Variants in CNTNAP2 observed in about 807,000 individuals in gnomAD.
CNTNAP2 encodes contactin-associated protein-like 2.
Under a neutral mutation model 155.2 loss-of-function variants are expected in CNTNAP2, and 98 were observed. That is an observed-to-expected ratio of 0.63 (90% CI 0.54 to 0.75). The LOEUF (loss-of-function observed/expected upper bound fraction) is 0.75, where lower values mean the gene tolerates loss of function less well. Among genes scored for constraint, CNTNAP2 ranks in the 30% least tolerant of loss-of-function variants. The pLI, the probability that CNTNAP2 is intolerant of heterozygous loss-of-function variation, is 0.00. For synonymous variants in CNTNAP2, 651 were observed against 631.2 expected (o/e 1.03, Z -0.47); for missense variants, 1,727 against 1,688.1 (o/e 1.02, Z -0.40).
intron 17 of CNTNAP2, among the ~76,000 whole-genome samples, chr7:148,161,206 TCGG>T (rs1262106938): frequency 6.6e-6 from 1 of 152,232 alleles, no homozygotes; most frequent in African/African-American, 2.4e-5. Context: ...CCGCTTCATG[TCGG>T]CACCATAACG....
intron 1 of CNTNAP2, among the ~76,000 whole-genome samples, chr7:146,633,190 A>G (rs759563581): frequency 3.0e-4 from 46 of 152,190 alleles, no homozygotes; most frequent in Non-Finnish European, 6.5e-4. Context: ...TTTTCAGACT[A>G]GATGGATTTC....
intron 10 of CNTNAP2, among the ~76,000 whole-genome samples, chr7:147,458,142 AT>A (rs1180977598): frequency 6.3e-5 from 2 of 31,718 alleles, no homozygotes; most frequent in Admixed American, 4.0e-4. Context: ...AAAAACAAAC[AT>A]AAGCATTTCA....
intron 1 of CNTNAP2, among the ~76,000 whole-genome samples, chr7:146,216,637 T>G (rs531388895): frequency 1.3e-5 from 2 of 152,330 alleles, no homozygotes; most frequent in South Asian, 4.1e-4. Context: ...GCTCCTCTTT[T>G]ACGTAATCCC....
intron 1 of CNTNAP2, among the ~76,000 whole-genome samples, chr7:146,586,939 C>A (rs1030263328): frequency 4.6e-5 from 7 of 151,954 alleles, no homozygotes; most frequent in African/African-American, 1.7e-4. Context: ...TTGAAATGTG[C>A]TAGACTTTTT....
At chr7:148,254,418 A>G (rs1585219577) in intron 20 of CNTNAP2, among the ~76,000 whole-genome samples, 1 of 152,188 alleles carries the variant, frequency 6.6e-6, no homozygotes, top group Non-Finnish European at 1.5e-5. Flanking sequence ...CCTCAATCAT[A>G]TTTGTCATAT....
At chr7:148,102,586 A>T (rs1435532129) in intron 15 of CNTNAP2, among the ~76,000 whole-genome samples, 1 of 152,246 alleles carries the variant, frequency 6.6e-6, no homozygotes, top group African/African-American at 2.4e-5. Flanking sequence ...GGCATGCCAT[A>T]CTAAATGTTA....
intron 3 of CNTNAP2, among the ~76,000 whole-genome samples, chr7:146,874,059 G>T (rs902826597): frequency 1.3e-5 from 2 of 151,932 alleles, no homozygotes; most frequent in Non-Finnish European, 2.9e-5. Context: ...ATTGGTGAAG[G>T]ATCAATTTGA....
chr7:147,196,581 G>A (rs898245456), intron 8 of CNTNAP2, among the ~76,000 whole-genome samples: 2 of 152,138 alleles, frequency 1.3e-5, no homozygotes, highest in African/African-American at 4.8e-5. Flanking sequence ...CTTCTTGAGT[G>A]AAGAGTGCAA....
intron 17 of CNTNAP2, among the ~76,000 whole-genome samples, chr7:148,168,756 CAG>C (rs1297433621): frequency 5.9e-5 from 9 of 152,318 alleles, no homozygotes; most frequent in Middle Eastern, 6.8e-3. Context: ...TGTTAACATT[CAG>C]AGTCTTTTCA....
rs1802772476 is a variant in CNTNAP2, at chr7:146,796,566, CT to C, written c.208+22186del. ...ATCAAGATATGAAGATAAAGAAGAT[CT>C]AGCTTCTGAAACGCAGTTCTATAAT... is the stretch of plus-strand genomic sequence containing the variant. On this transcript the variant is annotated intron_variant, in intron 2 of 23. Transcript: ENST00000361727. 3.9e-5 allele frequency among the ~76,000 whole-genome samples: 6 copies of C among 152,112 alleles called. No homozygotes were observed. In the South Asian group the frequency reaches 1.2e-3, roughly 32 times the overall value.
intron 1 of CNTNAP2, among the ~76,000 whole-genome samples, chr7:146,642,161 T>A (rs1258950406): frequency 6.6e-6 from 1 of 151,966 alleles, no homozygotes; most frequent in Non-Finnish European, 1.5e-5. Flanking sequence ...TTTTATTTTT[T>A]AATTTTATTA....
intron 1 of CNTNAP2, among the ~76,000 whole-genome samples, chr7:146,212,868 T>A (rs370851061): frequency 2.6e-5 from 4 of 152,176 alleles, no homozygotes; most frequent in Admixed American, 6.5e-5. Context: ...CTAAAATTGA[T>A]TATTTGATGA....
chr7:147,626,711 A>G (rs1221224180), intron 12 of CNTNAP2, among the ~76,000 whole-genome samples: 1 of 152,202 alleles, frequency 6.6e-6, no homozygotes, highest in African/African-American at 2.4e-5. Context: ...GAGGCCAACC[A>G]ACTCAGGCCA....
At chr7:146,905,510 C>T (rs1796102021) in intron 3 of CNTNAP2, among the ~76,000 whole-genome samples, 1 of 152,074 alleles carries the variant, frequency 6.6e-6, no homozygotes, top group African/African-American at 2.4e-5. Flanking sequence ...ATCAGAGTTG[C>T]CTGAGTCTGG....
chr7:148,414,062 A>AT (rs1475471723), intron 23 of CNTNAP2, among the ~76,000 whole-genome samples: 1 of 141,226 alleles, frequency 7.1e-6, no homozygotes, highest in Non-Finnish European at 1.5e-5. Context: ...TTCATCCAGT[A>AT]TTTTTTTCTT....
chr7:147,288,253 G>C (rs1305534714), intron 8 of CNTNAP2, among the ~76,000 whole-genome samples: 1 of 152,116 alleles, frequency 6.6e-6, no homozygotes, highest in East Asian at 1.9e-4. Flanking sequence ...GTCTGAAATT[G>C]TACCTGTAAA....
intron 13 of CNTNAP2, among the ~76,000 whole-genome samples, chr7:147,761,102 A>AG (rs1284947184): frequency 6.6e-6 from 1 of 152,172 alleles, no homozygotes; most frequent in Non-Finnish European, 1.5e-5. Flanking sequence ...GTACCAGAGA[A>AG]AATCAATAAA....
At chr7:147,000,582 C>T (rs1798402696) in intron 3 of CNTNAP2, among the ~76,000 whole-genome samples, 1 of 152,092 alleles carries the variant, frequency 6.6e-6, no homozygotes, top group Admixed American at 6.6e-5. Context: ...TGGTGTGATC[C>T]TTAAGCCCGT....
intron 9 of CNTNAP2, among the ~76,000 whole-genome samples, chr7:147,344,446 C>T (rs1488718841): frequency 6.6e-6 from 1 of 152,008 alleles, no homozygotes; most frequent in African/African-American, 2.4e-5. Context: ...TTAGAAAACT[C>T]GAAAGACAGA....
Sources: gnomAD v4.1 joint callset for allele counts (sites outside exome capture counted in the v4.1 genomes callset) on GRCh38, gnomAD v4.1.1 for gene constraint, MANE v1.5 for transcripts, NCBI Gene and HGNC (gene_info 2026-07-23, HGNC 2026-07-21) for gene names.